HDAC5: variants seen among roughly 807,000 people sequenced by gnomAD.
HDAC5 encodes the protein histone deacetylase 5.
Under a neutral mutation model 133.3 loss-of-function variants are expected in HDAC5, and 25 were observed. That is an observed-to-expected ratio of 0.19 (90% CI 0.14 to 0.26). The LOEUF (loss-of-function observed/expected upper bound fraction) is 0.26, where lower values mean the gene tolerates loss of function less well. Among genes scored for constraint, HDAC5 ranks in the 10% least tolerant of loss-of-function variants. The probability of loss-of-function intolerance (pLI) is 1.00; values close to 1 mark genes in which losing one functional copy is unlikely to be tolerated. For missense variants in HDAC5, 1,041 were observed against 1,460.5 expected, an observed-to-expected ratio of 0.71 and a Z score of 4.68; for synonymous variants, 589 against 610.8, an observed-to-expected ratio of 0.96 and a Z score of 0.53.
At chr17:44,089,060 T>TA (rs2050804333) in intron 11 of HDAC5, among the ~76,000 whole-genome samples, 1 of 152,076 alleles carries the variant, frequency 6.6e-6, no homozygotes, top group Admixed American at 6.6e-5. Context: ...CCCTGGTACT[T>TA]AAGGGCTGTC....
intron 1 of HDAC5, among the ~76,000 whole-genome samples, chr17:44,122,101 G>A (rs2053043549): frequency 6.6e-6 from 1 of 152,046 alleles, no homozygotes; most frequent in Non-Finnish European, 1.5e-5. Context: ...GGGAAGACTG[G>A]AATGAAGAAG....
In HDAC5 at chr17:44,091,620, G is replaced by A; in HGVS notation, c.1164+80C>T. On this transcript the variant is annotated intron_variant, in intron 10 of 26. Transcript: ENST00000682912. ...ACAGATCTCCCTTAGGGCCTTGGAA[G>A]GGGAAAACCCCAGCTGGGGGCATGC... is the stretch of plus-strand genomic sequence containing the variant. The A allele has an allele frequency of 4.0e-6, 6 of 1,501,126 alleles. No individual in the cohort carries two copies. The East Asian group carries it at 1.4e-4, about 35-fold the overall frequency. 93.0% of individuals were successfully genotyped at this position (1,501,126 alleles called of 1,614,324 possible). A position where few individuals can be genotyped will look rare whatever the true frequency, so the allele number is the denominator to read the frequency against.
chr17:44,112,537 G>A lies in HDAC5; in HGVS notation c.23-1737C>T, dbSNP rs181319967. Among the ~76,000 whole-genome samples, 193 of 152,086 alleles carry A rather than the reference G, an allele frequency of 1.3e-3. 1 individual carries two copies. Among genetic ancestry groups the A allele is most frequent in the African/African-American group, 4.6e-3 (190 of 41,482 alleles). On this transcript the variant is annotated intron_variant, in intron 2 of 26. Coordinates refer to ENST00000682912, the MANE Select transcript of HDAC5 (RefSeq NM_005474.5). ...CTCCTTGACCCCCACTCCAGGCATG[G>A]AGCCAGGGACACCTGTCCTCTCTCT...
At chr17:44,102,652 C>G (rs908114105) in intron 3 of HDAC5, among the ~76,000 whole-genome samples, 3 of 147,958 alleles carry the variant, frequency 2.0e-5, no homozygotes, top group African/African-American at 7.4e-5. Flanking sequence ...AGCCATATGC[C>G]CGGCCAGGTT....
intron 3 of HDAC5, among the ~76,000 whole-genome samples, chr17:44,095,675 TAG>T (rs1350597152): frequency 6.6e-6 from 1 of 150,916 alleles, no homozygotes; most frequent in East Asian, 1.9e-4. Context: ...CCGCTATATA[TAG>T]AGTGAGCCAA....
intron 3 of HDAC5, among the ~76,000 whole-genome samples, chr17:44,107,088 G>A (rs1182161976): frequency 6.6e-6 from 1 of 152,068 alleles, no homozygotes; most frequent in Non-Finnish European, 1.5e-5. Flanking sequence ...AGAACTACAG[G>A]TGCATGCTAC....
intron 3 of HDAC5, among the ~76,000 whole-genome samples, chr17:44,098,132 C>G (rs983901279): frequency 6.6e-6 from 1 of 152,040 alleles, no homozygotes; most frequent in African/African-American, 2.4e-5. Context: ...GCCATGGCTA[C>G]TCTGCCTGAG....
chr17:44,094,784 ATG>A (rs1163984158), intron 3 of HDAC5, among the ~76,000 whole-genome samples: 7 of 151,624 alleles, frequency 4.6e-5, no homozygotes, highest in African/African-American at 1.5e-4. Context: ...ACACATACAT[ATG>A]TGTGTGTATT....
chr17:44,092,323 C>A (rs762835153), intron 8 of HDAC5, 39 bp from the exon 9 acceptor site: 1 of 1,612,600 alleles, frequency 6.2e-7, no homozygotes, highest in Admixed American at 1.7e-5. Flanking sequence ...CTGCTGTGAA[C>A]TACCCCCGAC....
intron 3 of HDAC5, among the ~76,000 whole-genome samples, chr17:44,109,117 C>T (rs895465572): frequency 1.3e-5 from 2 of 152,188 alleles, no homozygotes; most frequent in Admixed American, 6.5e-5. Context: ...AGGAAACTTC[C>T]GGCCAACTGC....
At position 44,078,333 on chromosome 17, in the gene HDAC5, CAA is replaced by C. The variant is rs1417648808; in HGVS notation, c.*41_*42del. ...TTTTGTTTTTAATAGAAAAAATAAACAAAATCACAATGGTGAAGCCCAGAGGG... is the reference window on the plus strand; with the variant it reads ...TTTTGTTTTTAATAGAAAAAATAAACAATCACAATGGTGAAGCCCAGAGGG... On this transcript the variant is annotated 3_prime_UTR_variant, in exon 27 of 27. Transcript: ENST00000682912. 1 of 1,507,092 alleles carries C rather than the reference CAA, an allele frequency of 6.6e-7. No individual in the cohort carries two copies. Among genetic ancestry groups the C allele is most frequent in the African/African-American group, 1.4e-5 (1 of 71,284 alleles). 93.4% of individuals were successfully genotyped at this position (1,507,092 alleles called of 1,614,324 possible).
Position 44,093,700 on chromosome 17 carries a change from G to A in HDAC5, c.229C>T (p.Gln77Ter). The A allele has an allele frequency of 6.2e-7, 1 of 1,607,344 alleles. No individual in the cohort carries two copies. Among genetic ancestry groups the A allele is most frequent in the South Asian group, 1.1e-5 (1 of 90,038 alleles). ...TGCTTGAGCGCCAGGAGCTCCTGCT[G>A]CAGTTGCTGCTCCCGCAGTGTGGGG... ...VDPTLREQQL[Q>*]QELLALKQQQ... is the part of the protein sequence containing the mutation. The change falls in exon 4 of 27, where the codon CAG (glutamine) becomes TAG (stop). Residue 77 changes from glutamine (Q) to a stop codon, truncating the protein, a stop_gained. Coordinates refer to ENST00000682912, the MANE Select transcript of HDAC5 (RefSeq NM_005474.5). LOFTEE classifies it high-confidence loss of function.
At position 44,092,826 on chromosome 17, in the gene HDAC5, G is replaced by T; in HGVS notation, c.642-20C>A. 3 of 897,030 alleles carry T rather than the reference G, an allele frequency of 3.3e-6. No homozygotes were observed. Among genetic ancestry groups the T allele is most frequent in the Non-Finnish European group, 5.1e-6 (3 of 593,128 alleles). 55.6% of individuals were successfully genotyped at this position (897,030 alleles called of 1,614,324 possible). Reference sequence around the variant, plus strand: ...GCTCCCCTGGGGTGGGGGGGGGGTGGGGATGGAAGCAGATCTAGGTTATCA... The same window carrying T: ...GCTCCCCTGGGGTGGGGGGGGGGTGTGGATGGAAGCAGATCTAGGTTATCA... On this transcript the variant is annotated intron_variant, in intron 6 of 26. Transcript: ENST00000682912.
chr17:44,105,251 A>G (rs896910397), intron 3 of HDAC5, among the ~76,000 whole-genome samples: 4 of 152,188 alleles, frequency 2.6e-5, no homozygotes, highest in African/African-American at 9.7e-5. Flanking sequence ...GGAGAATGGG[A>G]TCAAGTGCAG....
rs2050258958 is a variant in HDAC5, at chr17:44,079,130, T to C, written c.3078+14A>G. ...CTCTGGCCTGCCACCTCCCAGCTCC[T>C]TCCCACCCCTTACCTCTACACTGAG... On this transcript the variant is annotated intron_variant, in intron 24 of 26. Coordinates refer to ENST00000682912, the MANE Select transcript of HDAC5 (RefSeq NM_005474.5). 6.8e-6 allele frequency: 11 copies of C among 1,606,598 alleles called. No homozygotes were observed. Among genetic ancestry groups the C allele is most frequent in the Non-Finnish European group, 9.4e-6 (11 of 1,174,466 alleles).
intron 2 of HDAC5, 184 bp from the exon 3 acceptor site, chr17:44,110,984 T>C: frequency 1.7e-6 from 1 of 592,934 alleles, no homozygotes; most frequent in Non-Finnish European, 3.1e-6. Context: ...GGACCCACAC[T>C]GTAGGGAAGT....
chr17:44,087,650 G>T lies in HDAC5; in HGVS notation c.1646C>A (p.Pro549His), dbSNP rs1039799643. ...GELPRQPTTH[P>H]EETEEELTEQ... Reference sequence around the variant, plus strand: ...CGTCAGCTCCTCCTCTGTCTCCTCAGGGTGGGTGGTGGGCTGCCTGGGCAG... The same window carrying T: ...CGTCAGCTCCTCCTCTGTCTCCTCATGGTGGGTGGTGGGCTGCCTGGGCAG... The change falls in exon 13 of 27, where the codon CCT becomes CAT. Residue 549 changes from proline to histidine, a missense_variant. Coordinates refer to ENST00000682912, the MANE Select transcript of HDAC5 (RefSeq NM_005474.5). 3 of 1,611,542 alleles carry T rather than the reference G, an allele frequency of 1.9e-6. No homozygotes were observed. Among genetic ancestry groups the T allele is most frequent in the African/African-American group, 2.7e-5 (2 of 74,900 alleles).
intron 12 of HDAC5, 54 bp downstream of exon 12, chr17:44,088,333 C>A (rs933325858): frequency 4.6e-6 from 7 of 1,527,584 alleles, no homozygotes; most frequent in Non-Finnish European, 6.2e-6. Flanking sequence ...GCCTGGTACT[C>A]TCCTGTGTCC....
At chr17:44,121,439 C>T (rs2052996415) in intron 1 of HDAC5, among the ~76,000 whole-genome samples, 1 of 138,732 alleles carries the variant, frequency 7.2e-6, no homozygotes, top group African/African-American at 2.6e-5. Flanking sequence ...CCCCCTTCCC[C>T]CCCCTACTGC....
Sources: gnomAD v4.1 joint callset for allele counts (sites outside exome capture counted in the v4.1 genomes callset) on GRCh38, gnomAD v4.1.1 for gene constraint, MANE v1.5 for transcripts, NCBI Gene and HGNC (gene_info 2026-07-23, HGNC 2026-07-21) for gene names.